Variants in PFKFB3 observed in about 807,000 individuals in gnomAD.
PFKFB3 encodes 6-phosphofructo-2-kinase/fructose-2,6-bisphosphatase 3.
A neutral mutation model predicts 68.0 loss-of-function variants in PFKFB3; 33 were observed. That is an observed-to-expected ratio of 0.49 (90% CI 0.37 to 0.65). PFKFB3 has a LOEUF of 0.65. Ranked by LOEUF, PFKFB3 falls within the 30% of genes least tolerant of loss-of-function variation. The probability of loss-of-function intolerance (pLI) is 0.00; values close to 1 mark genes in which losing one functional copy is unlikely to be tolerated. For missense variants in PFKFB3, 586 were observed against 712.2 expected (o/e 0.82, Z 2.02); for synonymous variants, 315 against 288.2 (o/e 1.09, Z -0.94).
At chr10:6,176,256 G>A (rs1057315473) in intron 1 of PFKFB3, among the ~76,000 whole-genome samples, 2 of 152,276 alleles carry the variant, frequency 1.3e-5, no homozygotes, top group African/African-American at 2.4e-5. Flanking sequence ...GTCTGTATCC[G>A]ATGTCAAGAC....
the PFKFB3 span, among the ~76,000 whole-genome samples, chr10:6,315,267 T>A: frequency 6.6e-6 from 1 of 151,724 alleles, no homozygotes; most frequent in East Asian, 1.9e-4. Context: ...CATCCCAGAG[T>A]GCGCATGAAA....
chr10:6,208,162 A>G (rs898140116), intron 1 of PFKFB3, among the ~76,000 whole-genome samples: 1 of 151,588 alleles, frequency 6.6e-6, no homozygotes, highest in Non-Finnish European at 1.5e-5. Context: ...GAAGCCTTGA[A>G]CTCCTGGGCT....
chr10:6,166,821 C>CTTT (rs144747290), intron 1 of PFKFB3, among the ~76,000 whole-genome samples: 101 of 95,256 alleles, frequency 1.1e-3, no homozygotes, highest in Middle Eastern at 5.2e-3. Flanking sequence ...CCTTCTTCTT[C>CTTT]TTTTTTTTTT....
upstream of PFKFB3, among the ~76,000 whole-genome samples, chr10:6,201,471 G>A: frequency 6.8e-6 from 1 of 147,056 alleles, no homozygotes; most frequent in Non-Finnish European, 1.5e-5. This position sits in a 1 kb window ranked among gnomAD's most constrained non-coding sequence, Gnocchi z 4.1. Context: ...GGGGGTCGAG[G>A]CGTGGGGGAG....
chr10:6,250,586 A>AG lies in PFKFB3; in HGVS notation c.1516-3591dup, dbSNP rs1398108324. Among the ~76,000 whole-genome samples, 420 of 149,758 alleles carry AG rather than the reference A, an allele frequency of 2.8e-3. 2 individuals carry two copies. The highest frequency in any genetic ancestry group is 9.8e-3 in the African/African-American group (400 of 40,760). Reference sequence around the variant, plus strand: ...ACTCGGTCTCAAAAAAAAAAAAAAAAGAGGTGGGGTCTTTGAGAGGTGATT... The same window carrying AG: ...ACTCGGTCTCAAAAAAAAAAAAAAAAGGAGGTGGGGTCTTTGAGAGGTGATT... On this transcript the variant is annotated intron_variant, in intron 14 of 14. Coordinates refer to the PFKFB3 transcript ENST00000640683.
At chr10:6,275,589 T>C in the PFKFB3 span, among the ~76,000 whole-genome samples, 2 of 152,198 alleles carry the variant, frequency 1.3e-5, no homozygotes, top group Non-Finnish European at 2.9e-5. This position sits in a 1 kb window ranked among gnomAD's most constrained non-coding sequence, Gnocchi z 4.9. Flanking sequence ...CGCGTTCTTA[T>C]TGTGCAAAAG....
rs61840167 is a variant in PFKFB3, at chr10:6,215,620, T to G, written c.299+303T>G. Among the ~76,000 whole-genome samples, 3,995 of 152,284 alleles carry G rather than the reference T, an allele frequency of 0.026. 72 individuals carry two copies. The highest frequency in any genetic ancestry group is 0.041 in the Non-Finnish European group (2,780 of 67,998). On this transcript the variant is annotated intron_variant, in intron 3 of 14. Transcript: ENST00000379775. This position sits in a 1 kb window ranked among gnomAD's most constrained non-coding sequence, Gnocchi z 4.3. ...CTGTCCCCTGAGGGTCTCGCTGAGC[T>G]GACCCTCACTGGGACAGAGCCGCAG...
chr10:6,195,167 C>T (rs1010050801), intron 1 of PFKFB3, among the ~76,000 whole-genome samples: 8 of 152,154 alleles, frequency 5.3e-5, no homozygotes, highest in African/African-American at 1.9e-4. Context: ...CCACTGCGCT[C>T]GCCTCCTGTT....
At chr10:6,252,471 T>C (rs142958143) in intron 14 of PFKFB3, among the ~76,000 whole-genome samples, 1 of 152,324 alleles carries the variant, frequency 6.6e-6, no homozygotes, top group Non-Finnish European at 1.5e-5. Context: ...AAGGCATACA[T>C]GCAGACAAAG....
At chr10:6,295,531 T>A in the PFKFB3 span, among the ~76,000 whole-genome samples, 5 of 151,988 alleles carry the variant, frequency 3.3e-5, no homozygotes. Flanking sequence ...CAGCCAATTT[T>A]TTTTTTTTTT....
chr10:6,208,371 CT>C (rs35447462), intron 1 of PFKFB3, among the ~76,000 whole-genome samples: 954 of 60,496 alleles, frequency 0.016, 8 homozygotes, highest in Admixed American at 0.045. Context: ...GGTACCTGGC[CT>C]TTTTTTTTTT....
At chr10:6,178,856 G>C (rs1278702995) in intron 1 of PFKFB3, among the ~76,000 whole-genome samples, 1 of 152,208 alleles carries the variant, frequency 6.6e-6, no homozygotes, top group East Asian at 1.9e-4. Flanking sequence ...CCGGGACGCA[G>C]CGCACTGGTC....
intron 1 of PFKFB3, among the ~76,000 whole-genome samples, chr10:6,162,267 G>C (rs553618359): frequency 1.2e-4 from 18 of 152,264 alleles, no homozygotes; most frequent in Admixed American, 5.2e-4. Flanking sequence ...GTCACATTTT[G>C]TGTATCCATT....
chr10:6,219,329 G>T (rs1588508597), intron 6 of PFKFB3, among the ~76,000 whole-genome samples: 1 of 152,166 alleles, frequency 6.6e-6, no homozygotes, highest in East Asian at 1.9e-4. Flanking sequence ...GAATCCCTGT[G>T]GGTTTCCTGT....
chr10:6,181,595 G>T (rs1055489812), intron 1 of PFKFB3, among the ~76,000 whole-genome samples: 2 of 152,172 alleles, frequency 1.3e-5, no homozygotes, highest in African/African-American at 4.8e-5. Context: ...TGAGGCGGGA[G>T]GATTGGTTCA....
chr10:6,312,749 C>T, the PFKFB3 span, among the ~76,000 whole-genome samples: 206 of 152,162 alleles, frequency 1.4e-3, 2 homozygotes, highest in African/African-American at 4.7e-3. Context: ...ATTTGGAGAC[C>T]GGCCGACTGC....
At chr10:6,206,753 CT>C (rs1396534654) in intron 1 of PFKFB3, among the ~76,000 whole-genome samples, 1 of 143,534 alleles carries the variant, frequency 7.0e-6, no homozygotes, top group Non-Finnish European at 1.5e-5. Flanking sequence ...GCGCTCCTCA[CT>C]TTCCAGACTG....
chr10:6,231,184 T>C, intron 14 of PFKFB3: 1 of 1,032,184 alleles, frequency 9.7e-7, no homozygotes, highest in South Asian at 1.3e-5. Context: ...AAATGCACAC[T>C]AGAAAATCCT....
At chr10:6,231,350 C>A in intron 14 of PFKFB3, 2 of 1,611,624 alleles carry the variant, frequency 1.2e-6, no homozygotes, top group South Asian at 2.2e-5. Flanking sequence ...TGTCCCGCAC[C>A]GCGTCACGGC....
Sources: gnomAD v4.1 joint callset for allele counts (sites outside exome capture counted in the v4.1 genomes callset) on GRCh38, gnomAD v4.1.1 for gene constraint, Gnocchi (gnomAD v3.1) non-coding constraint, MANE v1.5 for transcripts, NCBI Gene and HGNC (gene_info 2026-07-23, HGNC 2026-07-21) for gene names.